ARMC8: variants seen among roughly 807,000 people sequenced by gnomAD.
ARMC8 encodes armadillo repeat containing 8.
In ARMC8, 20 loss-of-function variants were observed where a neutral mutation model predicts 99.3. That is an observed-to-expected ratio of 0.20 (90% CI 0.14 to 0.29). ARMC8 has a LOEUF of 0.29. Among genes scored for constraint, ARMC8 ranks in the 10% least tolerant of loss-of-function variants. ARMC8 has a pLI of 1.00. For synonymous variants in ARMC8, 263 were observed against 278.3 expected, an observed-to-expected ratio of 0.95 and a Z score of 0.55; for missense variants, 569 against 809.5, an observed-to-expected ratio of 0.70 and a Z score of 3.60.
At chr3:138,187,277 T>C (rs1305976749), upstream of ARMC8, 1 of 414,972 alleles carries the variant, frequency 2.4e-6, no homozygotes, top group Non-Finnish European at 4.3e-6. Context: ...CAGATCTTCT[T>C]TGCGCATGCG....
intron 14 of ARMC8, among the ~76,000 whole-genome samples, chr3:138,264,646 C>G (rs1193290044): frequency 1.3e-5 from 2 of 151,742 alleles, no homozygotes; most frequent in Admixed American, 6.6e-5. Flanking sequence ...TCTTGAACTC[C>G]TGACCACGTG....
At chr3:138,289,002 G>A in intron 19 of ARMC8, 46 bp from the exon 20 acceptor site, 2 of 1,521,788 alleles carry the variant, frequency 1.3e-6, no homozygotes, top group Non-Finnish European at 1.8e-6. Flanking sequence ...AATCTAAAAT[G>A]AGATTACCAC....
intron 15 of ARMC8, 82 bp from the exon 16 acceptor site, chr3:138,269,958 A>G: frequency 1.2e-6 from 1 of 836,236 alleles, no homozygotes; most frequent in Admixed American, 2.3e-5. Flanking sequence ...GGAAGAAATC[A>G]CAAAGTGCCA....
intron 12 of ARMC8, among the ~76,000 whole-genome samples, chr3:138,261,094 A>G (rs1325319229): frequency 6.6e-6 from 1 of 152,198 alleles, no homozygotes; most frequent in Admixed American, 6.5e-5. Flanking sequence ...AACAGTGACT[A>G]GTGCATGATT....
chr3:138,225,096 T>G (rs1377458702), intron 5 of ARMC8, among the ~76,000 whole-genome samples: 1 of 147,990 alleles, frequency 6.8e-6, no homozygotes, highest in Non-Finnish European at 1.5e-5. Flanking sequence ...CAGCCCAAAT[T>G]CATTTCTTCT....
Position 138,271,124 on chromosome 3 carries a change from A to G in ARMC8, c.1479+992A>G, listed in dbSNP as rs1576905885. Among the ~76,000 whole-genome samples the G allele has an allele frequency of 3.3e-5, 5 of 152,264 alleles. No homozygotes were observed. In the South Asian group the frequency reaches 1.0e-3, roughly 32 times the overall value. ...TCCATGCTATATCTGCTGTGTTTTT[A>G]TACAGACTTTAGGATAGAAATAATT... On this transcript the variant is annotated intron_variant, in intron 16 of 21. Transcript: ENST00000469044.
intron 21 of ARMC8, among the ~76,000 whole-genome samples, chr3:138,293,722 TTTC>T (rs2051206887): frequency 6.6e-6 from 1 of 152,290 alleles, no homozygotes; most frequent in Non-Finnish European, 1.5e-5. Flanking sequence ...CAGCCCATCT[TTTC>T]TACCTGAGAG....
At chr3:138,287,383 G>A in intron 19 of ARMC8, among the ~76,000 whole-genome samples, 1 of 152,080 alleles carries the variant, frequency 6.6e-6, no homozygotes, top group East Asian at 1.9e-4. Context: ...TTAAGTCTCT[G>A]TTTAAGTATT....
chr3:138,202,951 C>A (rs187890507), intron 1 of ARMC8, among the ~76,000 whole-genome samples: 2 of 152,240 alleles, frequency 1.3e-5, no homozygotes, highest in African/African-American at 4.8e-5. Context: ...GGAGTTTAAA[C>A]CCTACCTGAA....
At chr3:138,204,017 TCTC>T (rs984230866) in intron 1 of ARMC8, among the ~76,000 whole-genome samples, 4 of 152,188 alleles carry the variant, frequency 2.6e-5, no homozygotes, top group African/African-American at 9.7e-5. Flanking sequence ...TCTTATTCCT[TCTC>T]CTCTTTCTTC....
intron 17 of ARMC8, 119 bp from the exon 18 acceptor site, chr3:138,274,330 A>G: frequency 1.5e-6 from 1 of 664,842 alleles, no homozygotes; most frequent in East Asian, 2.6e-5. Flanking sequence ...CTAGTTCTAT[A>G]TGCTATAGTG....
intron 9 of ARMC8, 140 bp downstream of exon 9, chr3:138,237,712 A>T (rs933540483): frequency 3.1e-6 from 2 of 640,212 alleles, no homozygotes; most frequent in Non-Finnish European, 5.3e-6. Flanking sequence ...TCCATCCCAC[A>T]TTTTCTTAAA....
intron 3 of ARMC8, 96 bp from the exon 4 acceptor site, chr3:138,223,293 A>G (rs1481873889): frequency 9.1e-7 from 1 of 1,100,190 alleles, no homozygotes; most frequent in Admixed American, 2.7e-5. Flanking sequence ...TCAGCCAACC[A>G]TATTTTTAGT....
intron 2 of ARMC8, among the ~76,000 whole-genome samples, chr3:138,216,886 T>C (rs1378566022): frequency 1.3e-5 from 2 of 152,136 alleles, no homozygotes; most frequent in Admixed American, 6.5e-5. Context: ...TAAATAGATA[T>C]ATAGTCATGC....
chr3:138,245,548 G>C, intron 12 of ARMC8: 2 of 1,107,892 alleles, frequency 1.8e-6, no homozygotes, highest in Non-Finnish European at 2.2e-6. Context: ...GTTATTTATG[G>C]AAATACCTTC....
At chr3:138,271,798 C>CTTTTTTTTTTTTTTTTTTTTTTTTTTTTT (rs776320900) in intron 16 of ARMC8, among the ~76,000 whole-genome samples, 5 of 136,132 alleles carry the variant, frequency 3.7e-5, no homozygotes, top group African/African-American at 1.4e-4. Context: ...TTTTTTCTTT[C>CTTTTTTTTTTTTTTTTTTTTTTTTTTTTT]TTTTTTTTTT....
At chr3:138,250,504 A>G (rs549301887) in intron 12 of ARMC8, among the ~76,000 whole-genome samples, 9 of 152,264 alleles carry the variant, frequency 5.9e-5, no homozygotes, top group Non-Finnish European at 1.2e-4. Flanking sequence ...CTTGGTAACA[A>G]ATTGTCTTGT....
At chr3:138,277,638 A>AT (rs1203201776) in intron 18 of ARMC8, among the ~76,000 whole-genome samples, 1 of 152,210 alleles carries the variant, frequency 6.6e-6, no homozygotes, top group East Asian at 1.9e-4. Flanking sequence ...ATAGCTAAAA[A>AT]TTTTTTTAAA....
intron 7 of ARMC8, 51 bp from the exon 8 acceptor site, chr3:138,237,258 T>G: frequency 6.6e-7 from 1 of 1,509,052 alleles, no homozygotes; most frequent in Non-Finnish European, 9.2e-7. Context: ...ACATTAAAAT[T>G]TGCATTTGCA....
Sources: gnomAD v4.1 joint callset for allele counts (sites outside exome capture counted in the v4.1 genomes callset) on GRCh38, gnomAD v4.1.1 for gene constraint, MANE v1.5 for transcripts, NCBI Gene and HGNC (gene_info 2026-07-23, HGNC 2026-07-21) for gene names.